The following NKX6-1 variants were observed in gnomAD, a reference collection of about 807,000 sequenced individuals.
NKX6-1 encodes homeobox protein Nkx-6.1.
Under a neutral mutation model 24.9 loss-of-function variants are expected in NKX6-1, and 11 were observed. That is an observed-to-expected ratio of 0.44 (90% CI 0.28 to 0.73). The LOEUF (loss-of-function observed/expected upper bound fraction) is 0.73. Among genes scored for constraint, NKX6-1 ranks in the 30% least tolerant of loss-of-function variants. NKX6-1 has a pLI of 0.15. For missense variants in NKX6-1, 487 were observed against 502.9 expected (o/e 0.97, Z 0.30); for synonymous variants, 277 against 242.9 (o/e 1.14, Z -1.31).
rs772315752 is a variant in NKX6-1, at chr4:84,498,061, GGAC to G, written c.165_167del (p.Ser59del). On this transcript the variant is annotated inframe_deletion, in exon 1 of 3. Transcript: ENST00000295886. Reference sequence around the variant, plus strand: ...CCAGAGGCGGGGAGGGCGACGAGGAGGACGACGACGAGGACGAGGAGGAGGGGG... The same window carrying G: ...CCAGAGGCGGGGAGGGCGACGAGGAGGACGACGAGGACGAGGAGGAGGGGG... The G allele has an allele frequency of 3.8e-5, 48 of 1,251,408 alleles. No individual in the cohort carries two copies. The highest frequency in any genetic ancestry group is 4.8e-5 in the Non-Finnish European group (48 of 997,112). 77.5% of individuals were successfully genotyped at this position (1,251,408 alleles called of 1,614,324 possible).
In NKX6-1 at chr4:84,498,237, C is replaced by A. The variant is rs774075355; in HGVS notation, c.-9G>T. On this transcript the variant is annotated 5_prime_UTR_variant, in exon 1 of 3. Coordinates refer to ENST00000295886, the MANE Select transcript of NKX6-1 (RefSeq NM_006168.3). The stretch of plus-strand genomic sequence containing the variant: ...GCCCCCACCGCTAACATCCCACGGC[C>A]ACGCCGGAGACCGTAGCCTTGCAGC... 6.2e-6 allele frequency: 8 copies of A among 1,294,496 alleles called. No individual in the cohort carries two copies. In the South Asian group the frequency reaches 2.6e-4, roughly 42 times the overall value. The allele number at this position is 1,294,496 out of a possible 1,614,324, so 80.2% of individuals were successfully genotyped here. A position where few individuals can be genotyped will look rare whatever the true frequency, so the allele number is the denominator to read the frequency against.
Position 84,493,418 on chromosome 4 carries a change from G to A in NKX6-1, c.975C>T (p.Asp325=), listed in dbSNP as rs200148742. 73 of 1,614,244 alleles carry A rather than the reference G, an allele frequency of 4.5e-5. No homozygotes were observed. Among genetic ancestry groups the A allele is most frequent in the Non-Finnish European group, 8.5e-6 (10 of 1,180,048 alleles). The change falls in exon 3 of 3, where the codon GAC becomes GAT. Residue 325 remains aspartate (D), a synonymous_variant. Coordinates refer to ENST00000295886, the MANE Select transcript of NKX6-1 (RefSeq NM_006168.3). The surrounding 1 kb of genome is among the most constrained non-coding windows in gnomAD (Gnocchi z 5.1). ...GASENEEEDD[D]YNKPLDPNSD... is the part of the protein sequence containing the mutation. The stretch of plus-strand genomic sequence containing the variant: ...AGTTGGGATCCAGAGGCTTATTGTA[G>A]TCGTCGTCCTCTTCCTCGTTCTCCG...
At position 84,496,013 on chromosome 4, in the gene NKX6-1, C is replaced by T. The variant is rs1473417208; in HGVS notation, c.671-169G>A. Among the ~76,000 whole-genome samples the T allele has an allele frequency of 2.0e-5, 3 of 152,212 alleles. 1 individual carries two copies. The East Asian group carries it at 5.8e-4, about 29-fold the overall frequency. ...GCTTCCAGACTAACGGCACGTCTCC[C>T]TTTGCTTTTTTACATCCACCTGTTT... On this transcript the variant is annotated intron_variant, in intron 1 of 2. Transcript: ENST00000295886.
chr4:84,492,700 A>G lies in NKX6-1; in HGVS notation c.*589T>C, dbSNP rs937797773. The G allele has an allele frequency of 6.6e-6, 1 of 152,252 alleles. No homozygotes were observed. The highest frequency in any genetic ancestry group is 1.5e-5 in the Non-Finnish European group (1 of 68,052). The allele number at this position is 152,252 out of a possible 1,614,324, so 9.4% of individuals were successfully genotyped here. On this transcript the variant is annotated 3_prime_UTR_variant, in exon 3 of 3. Transcript: ENST00000295886. ...CCATCTTTTTATACGAAATTCAAAA[A>G]AGCATTTTACATTTTAAATATTCAC...
intron 1 of NKX6-1, chr4:84,496,726 G>T (rs1437547815): frequency 6.6e-6 from 1 of 152,358 alleles, no homozygotes; most frequent in African/African-American, 2.4e-5. Context: ...CTCAAGCAAG[G>T]TCTTTGCGGG....
rs1578469666 is a variant in NKX6-1 at position 84,498,323 on chromosome 4, G to A, written c.-95C>T. 2.4e-6 allele frequency: 3 copies of A among 1,241,648 alleles called. No individual in the cohort carries two copies. Among genetic ancestry groups the A allele is most frequent in the Non-Finnish European group, 2.0e-6 (2 of 988,632 alleles). 76.9% of individuals were successfully genotyped at this position (1,241,648 alleles called of 1,614,324 possible). A position where few individuals can be genotyped will look rare whatever the true frequency, so the allele number is the denominator to read the frequency against. ...GGAGCCGGAAGCGCCGAGGGCGCGA[G>A]CGGAGAGGCACTCGGCGCGCCCGGA... On this transcript the variant is annotated 5_prime_UTR_variant, in exon 1 of 3. Transcript: ENST00000295886.
Position 84,493,692 on chromosome 4 carries a change from T to C in NKX6-1, c.844-143A>G, listed in dbSNP as rs2109986055. 1.9e-6 allele frequency: 2 copies of C among 1,048,034 alleles called. No homozygotes were observed. The highest frequency in any genetic ancestry group is 3.3e-5 in the South Asian group (2 of 60,328). The allele number at this position is 1,048,034 out of a possible 1,614,324, so 64.9% of individuals were successfully genotyped here. ...GCTGCCCTCCCTCGCAGCCCTCCCTTTTCTCGGCCGTCAAAGTCAGTCTCC... is the reference window on the plus strand; with the variant it reads ...GCTGCCCTCCCTCGCAGCCCTCCCTCTTCTCGGCCGTCAAAGTCAGTCTCC... On this transcript the variant is annotated intron_variant, in intron 2 of 2. Coordinates refer to ENST00000295886, the MANE Select transcript of NKX6-1 (RefSeq NM_006168.3). The surrounding 1 kb of genome is among the most constrained non-coding windows in gnomAD (Gnocchi z 5.1).
Position 84,497,873 on chromosome 4 carries a change from G to T in NKX6-1, c.356C>A (p.Ser119Ter). The T allele has an allele frequency of 7.8e-7, 1 of 1,280,314 alleles. No individual in the cohort carries two copies. The highest frequency in any genetic ancestry group is 9.9e-7 in the Non-Finnish European group (1 of 1,015,040). The allele number at this position is 1,280,314 out of a possible 1,614,324, so 79.3% of individuals were successfully genotyped here. The change falls in exon 1 of 3, where the codon TCG becomes TAG. Residue 119 changes from serine to a stop codon, truncating the protein, a stop_gained. Coordinates refer to ENST00000295886, the MANE Select transcript of NKX6-1 (RefSeq NM_006168.3). LOFTEE classifies it high-confidence loss of function. This position sits in a 1 kb window ranked among gnomAD's most constrained non-coding sequence, Gnocchi z 4.8. ...VASGAALPSA[S>*]PSGSSSSSSS... ...AGAGGAGGAGGAGGAACCGGAGGGC[G>T]AGGCGGAGGGCAGGGCGGCCCCCGA...
At position 84,493,329 on chromosome 4, in the gene NKX6-1, C is replaced by T. The variant is rs1317353063; in HGVS notation, c.1064G>A (p.Gly355Asp). The change falls in exon 3 of 3, where the codon GGC (glycine) becomes GAC (aspartate). Residue 355 changes from glycine (G) to aspartate (D), a missense_variant. Physicochemically the swap from Gly to Asp is moderately conservative, Grantham distance 94. Coordinates refer to ENST00000295886, the MANE Select transcript of NKX6-1 (RefSeq NM_006168.3). The surrounding 1 kb of genome is among the most constrained non-coding windows in gnomAD (Gnocchi z 5.1). ...CGGCTCGGACGCGTGCAGTAGGAGG[C>T]CGCCGCCGCCGCCGCTGCTGGACTT... ...KHKSSSGGGG[G>D]LLLHASEPES... 1.3e-6 allele frequency: 2 copies of T among 1,592,244 alleles called. No homozygotes were observed. Among genetic ancestry groups the T allele is most frequent in the Admixed American group, 3.4e-5 (2 of 58,910 alleles).
At chr4:84,494,004 C>T (rs527442595) in intron 2 of NKX6-1, among the ~76,000 whole-genome samples, 3 of 152,196 alleles carry the variant, frequency 2.0e-5, no homozygotes, top group Admixed American at 1.3e-4. Flanking sequence ...CACGTACTTG[C>T]TTTTCGGTAT....
rs1253279712 is a variant in NKX6-1 at position 84,497,866 on chromosome 4, G to C, written c.363C>G (p.Ser121=). ...ACGAGGAAGAGGAGGAGGAGGAACC[G>C]GAGGGCGAGGCGGAGGGCAGGGCGG... The part of the protein sequence containing the change: ...SGAALPSASP[S]GSSSSSSSSA... Residue 121 remains serine (S), a synonymous_variant, in exon 1 of 3, where the codon TCC becomes TCG. Transcript: ENST00000295886. The surrounding 1 kb of genome is among the most constrained non-coding windows in gnomAD (Gnocchi z 4.8). The C allele has an allele frequency of 7.8e-7, 1 of 1,279,604 alleles. No individual in the cohort carries two copies. Among genetic ancestry groups the C allele is most frequent in the African/African-American group, 1.5e-5 (1 of 65,384 alleles). 79.3% of individuals were successfully genotyped at this position (1,279,604 alleles called of 1,614,324 possible).
rs1031526113 is a variant in NKX6-1 at position 84,499,109 on chromosome 4, T to C, written c.-881A>G. Among the ~76,000 whole-genome samples, 2 of 151,054 alleles carry C rather than the reference T, an allele frequency of 1.3e-5. No individual in the cohort carries two copies. Among genetic ancestry groups the C allele is most frequent in the African/African-American group, 4.9e-5 (2 of 41,208 alleles). The stretch of plus-strand genomic sequence containing the variant: ...CGACCCCCGCCCCACCCCCGCTCCC[T>C]CTCTCCCTCTCACTCTCAGCCTTTG... On this transcript the variant is annotated 5_prime_UTR_variant, in exon 1 of 3. Transcript: ENST00000295886.
rs767530689 is a variant in NKX6-1, at chr4:84,498,188, G to A, written c.41C>T (p.Ala14Val). 1.8e-5 allele frequency: 24 copies of A among 1,297,562 alleles called. No homozygotes were observed. The highest frequency in any genetic ancestry group is 1.5e-5 in the African/African-American group (1 of 66,300). 80.4% of individuals were successfully genotyped at this position (1,297,562 alleles called of 1,614,324 possible). The change falls in exon 1 of 3, where the codon GCA becomes GTA. Residue 14 changes from alanine to valine, a missense_variant. Coordinates refer to ENST00000295886, the MANE Select transcript of NKX6-1 (RefSeq NM_006168.3). ...CAGGGGAGGGCTGCTGAGCAGGAAT[G>A]CGCTCTGCCGGGTGCCCTCCATTGC... ...VGAMEGTRQS[A>V]FLLSSPPLAA...
At chr4:84,496,550 T>C (rs1720825317) in intron 1 of NKX6-1, 1 of 151,974 alleles carries the variant, frequency 6.6e-6, no homozygotes, top group Admixed American at 6.6e-5. Context: ...ACTAAGGAGG[T>C]CCGGAGACTT....
Position 84,498,005 on chromosome 4 carries a change from G to C in NKX6-1, c.224C>G (p.Pro75Arg). Residue 75 changes from proline (P) to arginine (R), a missense_variant, in exon 1 of 3, where the codon CCG becomes CGG. By Grantham distance (103) the Pro-to-Arg change is moderately radical (BLOSUM62 -2). Transcript: ENST00000295886. ...GTHNPGGLKP[P>R]ATGGLSSLGS... ...GAGGGATGAGAGCCCCCCCGTGGCC[G>C]GGGGCTTCAGGCCGCCTGGGTTGTG... 1.6e-6 allele frequency: 2 copies of C among 1,278,688 alleles called. No individual in the cohort carries two copies. The highest frequency in any genetic ancestry group is 2.0e-6 in the Non-Finnish European group (2 of 1,011,558). 79.2% of individuals were successfully genotyped at this position (1,278,688 alleles called of 1,614,324 possible). A position where few individuals can be genotyped will look rare whatever the true frequency, so the allele number is the denominator to read the frequency against.
rs1720771721 is a variant in NKX6-1 at position 84,493,787 on chromosome 4, CAA to C, written c.844-240_844-239del. Among the ~76,000 whole-genome samples the C allele has an allele frequency of 6.6e-6, 1 of 152,118 alleles. No individual in the cohort carries two copies. The highest frequency in any genetic ancestry group is 2.1e-4 in the South Asian group (1 of 4,820). On this transcript the variant is annotated intron_variant, in intron 2 of 2. Transcript: ENST00000295886. The surrounding 1 kb of genome is among the most constrained non-coding windows in gnomAD (Gnocchi z 5.1). ...TGCCGTTGCCATAGCGATGGTAACA[CAA>C]GAGTATTGAGGTTGTCAGTGAGCGA...
Position 84,493,662 on chromosome 4 carries a change from G to T in NKX6-1, c.844-113C>A, listed in dbSNP as rs1720770016. The T allele has an allele frequency of 1.8e-5, 24 of 1,341,782 alleles. No homozygotes were observed. Among genetic ancestry groups the T allele is most frequent in the Non-Finnish European group, 2.2e-5 (22 of 978,388 alleles). 83.1% of individuals were successfully genotyped at this position (1,341,782 alleles called of 1,614,324 possible). ...GATGGCCCTCCCGCGGCCCCCCGAAGGCCTGCTGCCCTCCCTCGCAGCCCT... is the reference window on the plus strand; with the variant it reads ...GATGGCCCTCCCGCGGCCCCCCGAATGCCTGCTGCCCTCCCTCGCAGCCCT... On this transcript the variant is annotated intron_variant, in intron 2 of 2. Coordinates refer to ENST00000295886, the MANE Select transcript of NKX6-1 (RefSeq NM_006168.3). The surrounding 1 kb of genome is among the most constrained non-coding windows in gnomAD (Gnocchi z 5.1).
In NKX6-1 at chr4:84,497,442, A is replaced by G. The variant is rs555368203; in HGVS notation, c.670+117T>C. On this transcript the variant is annotated intron_variant, in intron 1 of 2. Coordinates refer to ENST00000295886, the MANE Select transcript of NKX6-1 (RefSeq NM_006168.3). This position sits in a 1 kb window ranked among gnomAD's most constrained non-coding sequence, Gnocchi z 4.8. ...AACTGGTGTGATTCCGGCGCTGTCA[A>G]ACTACTGGGGCGGGCCACAGGATGG... 6.5e-6 allele frequency: 8 copies of G among 1,235,002 alleles called. No homozygotes were observed. In the South Asian group the frequency reaches 2.1e-4, roughly 32 times the overall value. The allele number at this position is 1,235,002 out of a possible 1,614,324, so 76.5% of individuals were successfully genotyped here.
chr4:84,497,713 C>G lies in NKX6-1; in HGVS notation c.516G>C (p.Pro172=). 1 of 1,228,198 alleles carries G rather than the reference C, an allele frequency of 8.1e-7. No individual in the cohort carries two copies. 76.1% of individuals were successfully genotyped at this position (1,228,198 alleles called of 1,614,324 possible). A position where few individuals can be genotyped will look rare whatever the true frequency, so the allele number is the denominator to read the frequency against. ...RFSSLSPPPP[P]PGLYFSPSAA... is the part of the protein sequence containing the mutation. ...CGCTGGGGCTGAAGTAGAGCCCGGG[C>G]GGCGGCGGCGGCGGGCTCAGGCTGC... is the stretch of plus-strand genomic sequence containing the variant. The change falls in exon 1 of 3, where the codon CCG becomes CCC. Residue 172 remains proline, a synonymous_variant. Transcript: ENST00000295886. The surrounding 1 kb of genome is among the most constrained non-coding windows in gnomAD (Gnocchi z 4.8).
Sources: gnomAD v4.1 joint callset for allele counts (sites outside exome capture counted in the v4.1 genomes callset) on GRCh38, gnomAD v4.1.1 for gene constraint, Gnocchi (gnomAD v3.1) non-coding constraint, MANE v1.5 for transcripts, NCBI Gene and HGNC (gene_info 2026-07-23, HGNC 2026-07-21) for gene names.